GRID2: variants seen among roughly 807,000 people sequenced by gnomAD.
GRID2 encodes glutamate receptor ionotropic, delta-2.
A neutral mutation model predicts 114.8 loss-of-function variants in GRID2; 33 were observed. That is an observed-to-expected ratio of 0.29 (90% CI 0.22 to 0.38). The LOEUF (loss-of-function observed/expected upper bound fraction) is 0.38, where lower values mean the gene tolerates loss of function less well. Among genes scored for constraint, GRID2 ranks in the 10% least tolerant of loss-of-function variants. The probability of loss-of-function intolerance (pLI) is 1.00; values close to 1 mark genes in which losing one functional copy is unlikely to be tolerated. For synonymous variants in GRID2, 505 were observed against 449.9 expected, an observed-to-expected ratio of 1.12 and a Z score of -1.55; for missense variants, 1,184 against 1,257.7, an observed-to-expected ratio of 0.94 and a Z score of 0.89.
At chr4:92,333,680 ACTT>A (rs1040673128) in intron 1 of GRID2, among the ~76,000 whole-genome samples, 1 of 152,088 alleles carries the variant, frequency 6.6e-6, no homozygotes, top group Admixed American at 6.5e-5. Flanking sequence ...TAGACAAACA[ACTT>A]CTTCCGTATT....
At chr4:93,115,509 T>G (rs1275162927) in intron 4 of GRID2, among the ~76,000 whole-genome samples, 1 of 152,110 alleles carries the variant, frequency 6.6e-6, no homozygotes, top group Non-Finnish European at 1.5e-5. Flanking sequence ...TTCTAGATCA[T>G]TCTATTGAGA....
intron 1 of GRID2, among the ~76,000 whole-genome samples, chr4:92,455,702 G>A (rs1721180120): frequency 6.6e-6 from 1 of 152,170 alleles, no homozygotes; most frequent in East Asian, 1.9e-4. Context: ...GGTGGGCAGT[G>A]AGGCACGAGA....
intron 2 of GRID2, among the ~76,000 whole-genome samples, chr4:92,704,701 A>ATCTCTCTCTCTCTCTCTCTCTCTT (rs778705188): frequency 8.8e-6 from 1 of 113,666 alleles, no homozygotes; most frequent in African/African-American, 3.3e-5. Flanking sequence ...CAATCAATCA[A>ATCTCTCTCTCTCTCTCTCTCTCTT]TCTCTCTCTC....
At chr4:93,163,379 T>C (rs1201760304) in intron 4 of GRID2, among the ~76,000 whole-genome samples, 1 of 54,076 alleles carries the variant, frequency 1.8e-5, no homozygotes, top group Non-Finnish European at 3.6e-5. Flanking sequence ...TATATATATA[T>C]ATATATATAT....
intron 4 of GRID2, among the ~76,000 whole-genome samples, chr4:93,146,095 G>T (rs1176965953): frequency 1.3e-5 from 2 of 151,958 alleles, no homozygotes; most frequent in Non-Finnish European, 2.9e-5. Flanking sequence ...AATTCACTCA[G>T]CTCCAGGAAT....
chr4:93,594,808 C>A (rs542675110), intron 13 of GRID2, among the ~76,000 whole-genome samples: 21 of 152,240 alleles, frequency 1.4e-4, no homozygotes, highest in African/African-American at 5.1e-4. Context: ...TGGGAGTGAC[C>A]CGATTTTCCA....
chr4:92,840,360 T>C (rs965438607), intron 2 of GRID2, among the ~76,000 whole-genome samples: 3 of 152,124 alleles, frequency 2.0e-5, no homozygotes, highest in East Asian at 3.9e-4. Flanking sequence ...TCCTGCCATT[T>C]TTTTAAATTT....
chr4:92,499,894 C>A (rs1417241710), intron 1 of GRID2, among the ~76,000 whole-genome samples: 1 of 152,228 alleles, frequency 6.6e-6, no homozygotes, highest in East Asian at 1.9e-4. Context: ...GGATTACAGG[C>A]GTGCGCCATT....
intron 1 of GRID2, among the ~76,000 whole-genome samples, chr4:92,490,797 C>A (rs1223343644): frequency 6.6e-6 from 1 of 152,072 alleles, no homozygotes; most frequent in Non-Finnish European, 1.5e-5. Flanking sequence ...TCCTCAAATT[C>A]TCCTCAAATT....
rs142844741 is a variant in GRID2, at chr4:92,510,470, A to G, written c.89-79661A>G. On this transcript the variant is annotated intron_variant, in intron 1 of 15. Transcript: ENST00000282020. ...AGAGGTATGAATTTAGGAGTAATCA[A>G]ATTTTAGCTATTTTTCAAGTCGAAA... Among the ~76,000 whole-genome samples the G allele has an allele frequency of 6.3e-3, 957 of 151,940 alleles. 12 individuals are homozygous for G. Among genetic ancestry groups the G allele is most frequent in the African/African-American group, 0.022 (915 of 41,504 alleles).
intron 1 of GRID2, among the ~76,000 whole-genome samples, chr4:92,563,635 A>G (rs1032425474): frequency 6.6e-6 from 1 of 152,044 alleles, no homozygotes; most frequent in Non-Finnish European, 1.5e-5. Context: ...TCTCAGTATT[A>G]TAAGTCTCTT....
intron 14 of GRID2, among the ~76,000 whole-genome samples, chr4:93,705,309 G>C (rs1001904508): frequency 1.3e-5 from 2 of 150,432 alleles, no homozygotes; most frequent in South Asian, 4.3e-4. Flanking sequence ...TGTTGTTGTT[G>C]TTGTTTTGTT....
At chr4:93,662,954 A>G (rs11725463) in intron 14 of GRID2, among the ~76,000 whole-genome samples, 7,924 of 152,306 alleles carry the variant, frequency 0.052, 319 homozygotes, top group Non-Finnish European at 0.081. Flanking sequence ...AGCAGTCTCC[A>G]TTAATGGAAG....
At chr4:93,647,664 A>T (rs1722230751) in intron 14 of GRID2, among the ~76,000 whole-genome samples, 1 of 152,014 alleles carries the variant, frequency 6.6e-6, no homozygotes, top group South Asian at 2.1e-4. Context: ...TTTACCACGG[A>T]CTGAGCAGAT....
At chr4:93,444,124 GCAATGT>G (rs1721876447) in intron 10 of GRID2, among the ~76,000 whole-genome samples, 1 of 151,904 alleles carries the variant, frequency 6.6e-6, no homozygotes, top group Non-Finnish European at 1.5e-5. Flanking sequence ...CTCTAGGGAG[GCAATGT>G]CACAAACTCA....
At chr4:92,556,871 G>T (rs1167019284) in intron 1 of GRID2, among the ~76,000 whole-genome samples, 1 of 151,998 alleles carries the variant, frequency 6.6e-6, no homozygotes, top group Non-Finnish European at 1.5e-5. Flanking sequence ...CGAGGTGAGG[G>T]GATTACACAA....
intron 2 of GRID2, among the ~76,000 whole-genome samples, chr4:92,718,971 A>C (rs946911730): frequency 6.6e-6 from 1 of 151,858 alleles, no homozygotes; most frequent in Admixed American, 6.6e-5. Flanking sequence ...CAGTTTCTTG[A>C]TGAAAATATC....
At chr4:92,701,520 A>G (rs1177294277) in intron 2 of GRID2, among the ~76,000 whole-genome samples, 1 of 152,214 alleles carries the variant, frequency 6.6e-6, no homozygotes, top group African/African-American at 2.4e-5. Flanking sequence ...GGTAACTCAA[A>G]GCAGTTGAAT....
At chr4:93,553,138 G>A (rs1051700554) in intron 13 of GRID2, among the ~76,000 whole-genome samples, 1 of 152,138 alleles carries the variant, frequency 6.6e-6, no homozygotes, top group Non-Finnish European at 1.5e-5. Flanking sequence ...AATCCTTAGG[G>A]TATATACCCA....
Sources: gnomAD v4.1 joint callset for allele counts (sites outside exome capture counted in the v4.1 genomes callset) on GRCh38, gnomAD v4.1.1 for gene constraint, MANE v1.5 for transcripts, NCBI Gene and HGNC (gene_info 2026-07-23, HGNC 2026-07-21) for gene names.